Variants in FBXL7 observed in about 807,000 individuals in gnomAD.
FBXL7 encodes F-box/LRR-repeat protein 7.
FBXL7 carries 12 observed loss-of-function variants against 38.3 expected under a neutral mutation model. The ratio of observed to expected loss-of-function variants is 0.31; its 90% CI spans 0.20 to 0.51. The LOEUF is 0.51. FBXL7 is among the 20% of genes least tolerant of loss of function. The probability of loss-of-function intolerance (pLI) is 0.98; values close to 1 mark genes in which losing one functional copy is unlikely to be tolerated. For synonymous variants in FBXL7, 297 were observed against 300.9 expected, an observed-to-expected ratio of 0.99 and a Z score of 0.13; for missense variants, 567 against 676.4, an observed-to-expected ratio of 0.84 and a Z score of 1.79.
At chr5:15,809,022 C>A (rs1009683697) in intron 2 of FBXL7, among the ~76,000 whole-genome samples, 6 of 152,170 alleles carry the variant, frequency 3.9e-5, no homozygotes, top group Non-Finnish European at 8.8e-5. Context: ...AGGAACTGCC[C>A]TACTTTGATT....
At chr5:15,628,724 A>C (rs1561059348) in intron 2 of FBXL7, among the ~76,000 whole-genome samples, 1 of 152,176 alleles carries the variant, frequency 6.6e-6, no homozygotes, top group African/African-American at 2.4e-5. Context: ...ACTGTATATT[A>C]ACTGCTCTCT....
At chr5:15,838,310 C>A (rs528153095) in intron 2 of FBXL7, among the ~76,000 whole-genome samples, 4 of 152,250 alleles carry the variant, frequency 2.6e-5, no homozygotes, top group Middle Eastern at 3.4e-3. Flanking sequence ...GGTTCAGTGC[C>A]TAGTAACAGC....
chr5:15,847,577 G>T (rs1444599128), intron 2 of FBXL7, among the ~76,000 whole-genome samples: 1 of 152,124 alleles, frequency 6.6e-6, no homozygotes, highest in Non-Finnish European at 1.5e-5. Flanking sequence ...TTTAGGGCAA[G>T]CAAGACCTAT....
chr5:15,931,002 T>G (rs114492567), intron 3 of FBXL7, among the ~76,000 whole-genome samples: 3,098 of 152,314 alleles, frequency 0.02, 99 homozygotes, highest in African/African-American at 0.071. Flanking sequence ...GACTTGACTT[T>G]GGAAGACTCA....
chr5:15,717,376 G>C (rs1198253495), intron 2 of FBXL7, among the ~76,000 whole-genome samples: 1 of 152,156 alleles, frequency 6.6e-6, no homozygotes, highest in Non-Finnish European at 1.5e-5. Context: ...GAACTGCTCT[G>C]AGACTCCACC....
chr5:15,853,455 A>G (rs1739161019), intron 2 of FBXL7, among the ~76,000 whole-genome samples: 1 of 151,968 alleles, frequency 6.6e-6, no homozygotes, highest in South Asian at 2.1e-4. Flanking sequence ...GAGTTGAGAG[A>G]TGGTACTTGG....
intron 1 of FBXL7, among the ~76,000 whole-genome samples, chr5:15,575,425 A>C (rs757643687): frequency 6.6e-6 from 1 of 152,142 alleles, no homozygotes; most frequent in Non-Finnish European, 1.5e-5. Context: ...CACACAAACA[A>C]GAGTGTTTTC....
intron 1 of FBXL7, among the ~76,000 whole-genome samples, chr5:15,568,504 A>G (rs1345508961): frequency 6.6e-6 from 1 of 151,634 alleles, no homozygotes; most frequent in Non-Finnish European, 1.5e-5. Context: ...TTGTCAGATG[A>G]GTAGATTGCA....
intron 1 of FBXL7, among the ~76,000 whole-genome samples, chr5:15,595,382 C>T (rs1047864093): frequency 2.4e-4 from 37 of 151,960 alleles, no homozygotes; most frequent in African/African-American, 7.0e-4. Flanking sequence ...CTGCATGTGA[C>T]GAGTGTGGGG....
At chr5:15,750,294 A>G (rs373710993) in intron 2 of FBXL7, among the ~76,000 whole-genome samples, 2 of 152,212 alleles carry the variant, frequency 1.3e-5, no homozygotes, top group South Asian at 2.1e-4. Context: ...TTTCTTCCTT[A>G]GGTGCAGATA....
chr5:15,874,220 C>A (rs1740101122), intron 2 of FBXL7, among the ~76,000 whole-genome samples: 1 of 152,130 alleles, frequency 6.6e-6, no homozygotes, highest in Admixed American at 6.6e-5. Context: ...AATTCAACAG[C>A]CCTTCATGCT....
intron 1 of FBXL7, among the ~76,000 whole-genome samples, chr5:15,505,047 C>T (rs1382706494): frequency 6.6e-6 from 1 of 152,196 alleles, no homozygotes; most frequent in Non-Finnish European, 1.5e-5. Context: ...CAGTGAATTC[C>T]TTTCACCATC....
chr5:15,597,233 T>G (rs946687484), intron 1 of FBXL7, among the ~76,000 whole-genome samples: 1 of 152,122 alleles, frequency 6.6e-6, no homozygotes, highest in African/African-American at 2.4e-5. Context: ...GAAACCACCA[T>G]CCGCACACAT....
intron 2 of FBXL7, among the ~76,000 whole-genome samples, chr5:15,712,716 A>G (rs889270256): frequency 2.6e-5 from 4 of 152,142 alleles, no homozygotes; most frequent in Non-Finnish European, 5.9e-5. Flanking sequence ...CAAAGAAAGG[A>G]AAAAAGGAAG....
chr5:15,617,492 T>C (rs1461447463), intron 2 of FBXL7, among the ~76,000 whole-genome samples: 1 of 151,962 alleles, frequency 6.6e-6, no homozygotes. Flanking sequence ...AGTCTCACTC[T>C]TTTGCCCAGA....
At chr5:15,720,519 T>C (rs1228627970) in intron 2 of FBXL7, among the ~76,000 whole-genome samples, 2 of 148,860 alleles carry the variant, frequency 1.3e-5, no homozygotes, top group African/African-American at 4.9e-5. Context: ...TGGTTGTAAA[T>C]ATCATTGAAT....
At chr5:15,796,635 C>G (rs754628748) in intron 2 of FBXL7, among the ~76,000 whole-genome samples, 2 of 152,230 alleles carry the variant, frequency 1.3e-5, no homozygotes, top group East Asian at 3.9e-4. Context: ...GGTTTTATAC[C>G]CTGCCGTGAC....
intron 2 of FBXL7, among the ~76,000 whole-genome samples, chr5:15,622,182 T>C (rs905961622): frequency 6.6e-6 from 1 of 152,102 alleles, no homozygotes; most frequent in African/African-American, 2.4e-5. Flanking sequence ...GTGTATTTGC[T>C]CAATAAATAC....
chr5:15,871,027 C>T (rs1739934545), intron 2 of FBXL7, among the ~76,000 whole-genome samples: 2 of 152,216 alleles, frequency 1.3e-5, no homozygotes. Context: ...AGACATCTCC[C>T]AGCAGGAGCT....
Sources: allele counts gnomAD v4.1 joint callset (sites outside exome capture counted in the v4.1 genomes callset), GRCh38; gene constraint gnomAD v4.1.1; transcripts MANE v1.5; gene names NCBI Gene and HGNC (gene_info 2026-07-23, HGNC 2026-07-21).